The following CRACD variants were observed in gnomAD, a reference collection of about 807,000 sequenced individuals.
The protein encoded by CRACD is capping protein inhibiting regulator of actin dynamics, also known as capping protein-inhibiting regulator of actin dynamics.
CRACD carries 56 observed loss-of-function variants against 106.8 expected under a neutral mutation model. The ratio of observed to expected loss-of-function variants is 0.52; its 90% CI spans 0.42 to 0.66. The LOEUF (loss-of-function observed/expected upper bound fraction) is 0.66. Ranked by LOEUF, CRACD falls within the 30% of genes least tolerant of loss-of-function variation. The pLI is 0.00. For missense variants in CRACD, 1,730 were observed against 1,623.2 expected (o/e 1.07, Z -1.13); for synonymous variants, 754 against 670.8 (o/e 1.12, Z -1.92).
At chr4:56,273,521 A>C (rs1460951441) in intron 3 of CRACD, among the ~76,000 whole-genome samples, 1 of 152,038 alleles carries the variant, frequency 6.6e-6, no homozygotes, top group Non-Finnish European at 1.5e-5. Flanking sequence ...GTCAGGAAGT[A>C]CTTTCTTACC....
At position 56,059,822 on chromosome 4, in the gene CRACD, T is replaced by G. The variant is rs150206783; in HGVS notation, c.-336+10523T>G. Reference sequence around the variant, plus strand: ...CCTCAGGTTCCCGAGTAGCTGGGATTACAGGCATGCGCCACCACACCTGGC... The same window carrying G: ...CCTCAGGTTCCCGAGTAGCTGGGATGACAGGCATGCGCCACCACACCTGGC... On this transcript the variant is annotated intron_variant, in intron 1 of 10. Transcript: ENST00000682029. 6.4e-3 allele frequency among the ~76,000 whole-genome samples: 973 copies of G among 152,260 alleles called. 7 individuals carry two copies. Among genetic ancestry groups the G allele is most frequent in the African/African-American group, 0.023 (940 of 41,536 alleles).
chr4:56,083,063 T>A (rs1026479454), intron 1 of CRACD, among the ~76,000 whole-genome samples: 1 of 152,162 alleles, frequency 6.6e-6, no homozygotes, highest in Admixed American at 6.5e-5. Flanking sequence ...GACTCTTCAC[T>A]CTCTTCCATT....
chr4:56,105,692 T>G (rs1370579177), intron 1 of CRACD, among the ~76,000 whole-genome samples: 1 of 152,228 alleles, frequency 6.6e-6, no homozygotes, highest in Non-Finnish European at 1.5e-5. Context: ...AAGTTGTCTT[T>G]TTCAGGTGGA....
intron 10 of CRACD, among the ~76,000 whole-genome samples, chr4:56,325,725 A>G (rs192453320): frequency 2.6e-5 from 4 of 152,288 alleles, no homozygotes; most frequent in Non-Finnish European, 5.9e-5. Context: ...GCTCCCTACC[A>G]GTGATTAATA....
At chr4:56,211,382 C>T (rs1387553737) in intron 2 of CRACD, among the ~76,000 whole-genome samples, 1 of 152,190 alleles carries the variant, frequency 6.6e-6, no homozygotes, top group Non-Finnish European at 1.5e-5. Context: ...GGAGGCCTGC[C>T]CACTCCGCCT....
chr4:56,139,889 C>G, intron 1 of CRACD, among the ~76,000 whole-genome samples: 1 of 151,890 alleles, frequency 6.6e-6, no homozygotes, highest in East Asian at 1.9e-4. Context: ...TTTCCTGTTC[C>G]CTTTCAATAC....
At chr4:56,247,778 G>C (rs1740768889) in intron 2 of CRACD, among the ~76,000 whole-genome samples, 1 of 152,000 alleles carries the variant, frequency 6.6e-6, no homozygotes, top group South Asian at 2.1e-4. Context: ...TCCAGGAGGG[G>C]GACGTTGCAG....
intron 1 of CRACD, among the ~76,000 whole-genome samples, chr4:56,141,432 T>C (rs1258670578): frequency 6.6e-6 from 1 of 152,078 alleles, no homozygotes. Flanking sequence ...TAAAGGTTCC[T>C]TAAAGATTAT....
chr4:56,256,776 A>T (rs546741515), intron 2 of CRACD, among the ~76,000 whole-genome samples: 2 of 152,318 alleles, frequency 1.3e-5, no homozygotes, highest in East Asian at 3.9e-4. Flanking sequence ...GTGGAATGTA[A>T]ACCAAAAATA....
chr4:56,079,938 G>T (rs1732967340), intron 1 of CRACD, among the ~76,000 whole-genome samples: 1 of 152,152 alleles, frequency 6.6e-6, no homozygotes, highest in Admixed American at 6.5e-5. Flanking sequence ...GGGGATATAT[G>T]TGACAGGATA....
intron 4 of CRACD, 135 bp from the exon 5 acceptor site, chr4:56,307,399 TG>T: frequency 1.5e-6 from 1 of 671,184 alleles, no homozygotes; most frequent in Non-Finnish European, 2.4e-6. Context: ...CATGGTTTCC[TG>T]GCATGGTGTT....
chr4:56,167,200 AT>A (rs1313783778), intron 1 of CRACD, among the ~76,000 whole-genome samples: 2 of 152,102 alleles, frequency 1.3e-5, no homozygotes, highest in African/African-American at 4.8e-5. Flanking sequence ...AAGTTATTTC[AT>A]TTTTTTCAAA....
chr4:56,092,224 T>C (rs1015607411), intron 1 of CRACD, among the ~76,000 whole-genome samples: 10 of 152,208 alleles, frequency 6.6e-5, no homozygotes, highest in Non-Finnish European at 1.5e-4. Context: ...TCAGCTGACA[T>C]GCACTTGACT....
intron 2 of CRACD, among the ~76,000 whole-genome samples, chr4:56,244,448 C>A (rs1740561067): frequency 6.6e-6 from 1 of 152,084 alleles, no homozygotes; most frequent in South Asian, 2.1e-4. Flanking sequence ...TACGGAGGTA[C>A]CTACGGACAT....
At chr4:56,235,943 A>G (rs148300105) in intron 2 of CRACD, among the ~76,000 whole-genome samples, 1 of 152,286 alleles carries the variant, frequency 6.6e-6, no homozygotes, top group East Asian at 1.9e-4. Flanking sequence ...CCTGCCCACC[A>G]TCCGTGCATG....
At chr4:56,162,226 A>G (rs567259946) in intron 1 of CRACD, among the ~76,000 whole-genome samples, 2 of 150,512 alleles carry the variant, frequency 1.3e-5, no homozygotes, top group East Asian at 4.0e-4. Flanking sequence ...ACAGGGTCTC[A>G]CTTTGTTGCC....
At chr4:56,251,341 C>G (rs1369039905) in intron 2 of CRACD, among the ~76,000 whole-genome samples, 1 of 152,182 alleles carries the variant, frequency 6.6e-6, no homozygotes, top group Non-Finnish European at 1.5e-5. Flanking sequence ...AGTGGCTTCA[C>G]TGTCACTTCC....
chr4:56,084,850 T>G (rs186176791), intron 1 of CRACD, among the ~76,000 whole-genome samples: 1 of 152,310 alleles, frequency 6.6e-6, no homozygotes, highest in Admixed American at 6.5e-5. Flanking sequence ...CCTTGGAAGT[T>G]TCTAGGTGAG....
At chr4:56,095,718 A>G (rs1733578524) in intron 1 of CRACD, among the ~76,000 whole-genome samples, 1 of 152,082 alleles carries the variant, frequency 6.6e-6, no homozygotes, top group Non-Finnish European at 1.5e-5. Context: ...TGCGTCAGAG[A>G]GATGGAAAGT....
Sources: gnomAD v4.1 joint callset for allele counts (sites outside exome capture counted in the v4.1 genomes callset) on GRCh38, gnomAD v4.1.1 for gene constraint, MANE v1.5 for transcripts, NCBI Gene and HGNC (gene_info 2026-07-23, HGNC 2026-07-21) for gene names.